TULP4: variants seen among roughly 807,000 people sequenced by gnomAD.
TULP4 encodes tubby-related protein 4.
In TULP4, 16 loss-of-function variants were observed where a neutral mutation model predicts 129.0. That is an observed-to-expected ratio of 0.12 (90% CI 0.08 to 0.19). TULP4 has a LOEUF of 0.19. Ranked by LOEUF, TULP4 falls within the 10% of genes least tolerant of loss-of-function variation. The probability of loss-of-function intolerance (pLI) is 1.00; values close to 1 mark genes in which losing one functional copy is unlikely to be tolerated. For synonymous variants in TULP4, 998 were observed against 854.0 expected (o/e 1.17, Z -2.94); for missense variants, 1,842 against 2,059.1 (o/e 0.89, Z 2.04).
chr6:158,238,432 T>C, intron 1 of TULP4: 1 of 394,412 alleles, frequency 2.5e-6, no homozygotes, highest in Non-Finnish European at 4.4e-6. Context: ...TTTTTTTTTT[T>C]AAATTTATTT....
intron 3 of TULP4, among the ~76,000 whole-genome samples, chr6:158,446,419 G>A (rs1468685862): frequency 6.6e-6 from 1 of 152,110 alleles, no homozygotes; most frequent in Non-Finnish European, 1.5e-5. Context: ...TTTCTTTAGT[G>A]TGATACTAAA....
At position 158,461,741 on chromosome 6, in the gene TULP4, C is replaced by A. The variant is rs774125011; in HGVS notation, c.1026+12C>A. 1 of 1,610,604 alleles carries A rather than the reference C, an allele frequency of 6.2e-7. No individual in the cohort carries two copies. The highest frequency in any genetic ancestry group is 2.2e-5 in the East Asian group (1 of 44,810). On this transcript the variant is annotated intron_variant, in intron 6 of 13. Coordinates refer to ENST00000367097, the MANE Select transcript of TULP4 (RefSeq NM_020245.5). The stretch of plus-strand genomic sequence containing the variant: ...ACACTCTCGTGCAGGTAAGGATGTT[C>A]TCTGGAAACAAGTACATTTTCAGCA...
rs1269938042 is a variant in TULP4 at position 158,413,815 on chromosome 6, G to A, written c.381+622G>A. 1.3e-5 allele frequency among the ~76,000 whole-genome samples: 2 copies of A among 152,184 alleles called. No homozygotes were observed. The highest frequency in any genetic ancestry group is 1.9e-4 in the East Asian group (1 of 5,194). On this transcript the variant is annotated intron_variant, in intron 2 of 13. Transcript: ENST00000367097. The surrounding 1 kb of genome is among the most constrained non-coding windows in gnomAD (Gnocchi z 4.9). ...GGCTTCATGGTGCACCTTTTGTATGGGTTTAAGGACACACATTGGAGCAGG... is the reference window on the plus strand; with the variant it reads ...GGCTTCATGGTGCACCTTTTGTATGAGTTTAAGGACACACATTGGAGCAGG...
At chr6:158,454,017 C>CTCT (rs1491471179) in intron 5 of TULP4, among the ~76,000 whole-genome samples, 1 of 68,468 alleles carries the variant, frequency 1.5e-5, no homozygotes, top group Non-Finnish European at 2.6e-5. Flanking sequence ...CCTGCCTCTG[C>CTCT]ACCGCCCCCC....
At chr6:158,409,759 G>T (rs1778050741) in intron 1 of TULP4, among the ~76,000 whole-genome samples, 1 of 152,070 alleles carries the variant, frequency 6.6e-6, no homozygotes, top group Non-Finnish European at 1.5e-5. Context: ...CTAATTTAAG[G>T]GTGTTACTCA....
chr6:158,238,048 G>A, intron 1 of TULP4: 2 of 703,350 alleles, frequency 2.8e-6, no homozygotes. Flanking sequence ...GATAGCTTGT[G>A]TGAAGACATC....
chr6:158,403,072 C>T (rs1403361431), intron 1 of TULP4, among the ~76,000 whole-genome samples: 1 of 152,092 alleles, frequency 6.6e-6, no homozygotes, highest in Non-Finnish European at 1.5e-5. Context: ...GAATGAATAT[C>T]CATCAATTGC....
chr6:158,378,481 T>TTTTTTTTTTTTG, intron 1 of TULP4, among the ~76,000 whole-genome samples: 1 of 118,956 alleles, frequency 8.4e-6, no homozygotes, highest in Non-Finnish European at 1.8e-5. Flanking sequence ...TTTTTTTTTT[T>TTTTTTTTTTTTG]TTTTGGTGGG....
intron 1 of TULP4, among the ~76,000 whole-genome samples, chr6:158,376,335 C>T (rs118166041): frequency 0.021 from 3,200 of 152,262 alleles, 55 homozygotes; most frequent in Middle Eastern, 0.041. Flanking sequence ...GAAGGCTCTT[C>T]GTCCCATGTC....
At chr6:158,327,068 T>G (rs1238010106) in intron 1 of TULP4, among the ~76,000 whole-genome samples, 1 of 152,214 alleles carries the variant, frequency 6.6e-6, no homozygotes, top group Non-Finnish European at 1.5e-5. Flanking sequence ...TACTATGATT[T>G]TCTCATTTGT....
rs567396424 is a variant in TULP4 at position 158,502,814 on chromosome 6, G to A, written c.3151G>A (p.Ala1051Thr). The A allele has an allele frequency of 1.2e-6, 2 of 1,612,236 alleles. No individual in the cohort carries two copies. Among genetic ancestry groups the A allele is most frequent in the Admixed American group, 1.7e-5 (1 of 59,998 alleles). Residue 1051 changes from alanine to threonine, a missense_variant, in exon 13 of 14, where the codon GCC becomes ACC. Coordinates refer to ENST00000367097, the MANE Select transcript of TULP4 (RefSeq NM_020245.5). ...CACAGGGCCCAGCTCACAGCCCGGAGCCTCCCTGGCCCATACCGCCAGCGC... is the reference window on the plus strand; with the variant it reads ...CACAGGGCCCAGCTCACAGCCCGGAACCTCCCTGGCCCATACCGCCAGCGC... ...SGTGPSSQPG[A>T]SLAHTASASP... is the part of the protein sequence containing the mutation.
At chr6:158,461,022 G>A (rs1286669269) in intron 5 of TULP4, among the ~76,000 whole-genome samples, 2 of 152,074 alleles carry the variant, frequency 1.3e-5, no homozygotes, top group Non-Finnish European at 2.9e-5. Context: ...ATTTGGTTGT[G>A]TTTCAGTAAA....
chr6:158,419,691 A>T (rs1330074474), intron 2 of TULP4, among the ~76,000 whole-genome samples: 1 of 152,242 alleles, frequency 6.6e-6, no homozygotes, highest in Non-Finnish European at 1.5e-5. Context: ...GTATGTTAGT[A>T]TCAGATAAAG....
chr6:158,438,307 G>A (rs1583875335), intron 3 of TULP4, among the ~76,000 whole-genome samples: 1 of 151,960 alleles, frequency 6.6e-6, no homozygotes, highest in African/African-American at 2.4e-5. Context: ...TCCTCAAAAC[G>A]TGGCATTTCC....
At chr6:158,305,401 GT>G (rs1463201811) in intron 1 of TULP4, among the ~76,000 whole-genome samples, 1 of 151,218 alleles carries the variant, frequency 6.6e-6, no homozygotes, top group Non-Finnish European at 1.5e-5. Flanking sequence ...TCATCCATCA[GT>G]GGACATTTGG....
At chr6:158,443,874 G>T in intron 3 of TULP4, among the ~76,000 whole-genome samples, 1 of 152,174 alleles carries the variant, frequency 6.6e-6, no homozygotes, top group East Asian at 1.9e-4. Context: ...TTCAAGTCTG[G>T]CCTTGAAGCA....
At chr6:158,234,243 A>G (rs901112221) in intron 1 of TULP4, among the ~76,000 whole-genome samples, 1 of 152,256 alleles carries the variant, frequency 6.6e-6, no homozygotes, top group South Asian at 2.1e-4. Context: ...AAAACTCTGA[A>G]TAGAAAAAGA....
chr6:158,260,316 A>G (rs1778328627), intron 1 of TULP4, among the ~76,000 whole-genome samples: 2 of 152,238 alleles, frequency 1.3e-5, no homozygotes, highest in African/African-American at 4.8e-5. Flanking sequence ...TACCACATCC[A>G]TGATTTAGAT....
chr6:158,379,726 G>A (rs1004178261), intron 1 of TULP4, among the ~76,000 whole-genome samples: 3 of 152,124 alleles, frequency 2.0e-5, no homozygotes, highest in Non-Finnish European at 4.4e-5. Context: ...TCTCGATCAG[G>A]ACAAAGAAAG....
Sources: allele counts gnomAD v4.1 joint callset (sites outside exome capture counted in the v4.1 genomes callset), GRCh38; gene constraint gnomAD v4.1.1; non-coding constraint Gnocchi (gnomAD v3.1); transcripts MANE v1.5; gene names NCBI Gene and HGNC (gene_info 2026-07-23, HGNC 2026-07-21).